The following CES5A variants were observed in gnomAD, a reference collection of about 807,000 sequenced individuals.
CES5A encodes the protein carboxylesterase 5A, also known as carboxylesterase 5.
Under a neutral mutation model 62.9 loss-of-function variants are expected in CES5A, and 67 were observed. The observed-to-expected ratio is 1.07, with a 90% CI of 0.88 to 1.31. CES5A has a LOEUF of 1.31. CES5A is among the 50% of genes most tolerant of loss of function. The pLI is 0.00. For synonymous variants in CES5A, 296 were observed against 280.8 expected, an observed-to-expected ratio of 1.05 and a Z score of -0.54; for missense variants, 748 against 708.5, an observed-to-expected ratio of 1.06 and a Z score of -0.63.
Position 55,875,225 on chromosome 16 carries a change from G to A in CES5A, c.-4C>T. On this transcript the variant is annotated 5_prime_UTR_variant, in exon 1 of 13. Transcript: ENST00000290567. ...GGTGCACCCAATTCCCACTCATTTG[G>A]CTGCCTGCCTGCACTCTGTGAACAT... The A allele has an allele frequency of 6.2e-7, 1 of 1,613,480 alleles. No individual in the cohort carries two copies. Among genetic ancestry groups the A allele is most frequent in the Non-Finnish European group, 8.5e-7 (1 of 1,179,720 alleles).
chr16:55,927,265 G>A (rs1237346401), upstream of CES5A, among the ~76,000 whole-genome samples: 1 of 152,044 alleles, frequency 6.6e-6, no homozygotes, highest in Non-Finnish European at 1.5e-5. Context: ...ATAATAAATG[G>A]AGCTTAATTA....
chr16:55,887,174 T>C (rs2033825239), intron 1 of CES5A, among the ~76,000 whole-genome samples: 1 of 152,028 alleles, frequency 6.6e-6, no homozygotes, highest in Non-Finnish European at 1.5e-5. Flanking sequence ...TATTGACCCC[T>C]GTCACCATCA....
chr16:55,944,267 G>A (rs2034472194), intron 2 of CES5A: 1 of 607,512 alleles, frequency 1.6e-6, no homozygotes. Context: ...CCATAAAATG[G>A]AGTTAATGGC....
chr16:55,939,533 C>T (rs1441106741), intron 2 of CES5A, among the ~76,000 whole-genome samples: 1 of 152,154 alleles, frequency 6.6e-6, no homozygotes, highest in South Asian at 2.1e-4. Flanking sequence ...GATGACATGG[C>T]CCCCTGACAC....
chr16:55,895,098 GA>G (rs1432685262), intron 1 of CES5A, among the ~76,000 whole-genome samples: 1 of 152,176 alleles, frequency 6.6e-6, no homozygotes, highest in Non-Finnish European at 1.5e-5. Context: ...TGCCCAAACA[GA>G]AAGTTAAGGC....
Position 55,849,713 on chromosome 16 carries a change from G to A in CES5A, c.1334C>T (p.Thr445Met), listed in dbSNP as rs370834252. 81 of 1,613,988 alleles carry A rather than the reference G, an allele frequency of 5.0e-5. No homozygotes were observed. The South Asian group carries it at 5.9e-4, about 12-fold the overall frequency. Residue 445 changes from threonine to methionine, a missense_variant, in exon 11 of 13, where the codon ACG becomes ATG. Thr to Met is a moderately conservative substitution (Grantham distance 81). Transcript: ENST00000290567. ...GTCGGCTTTGACAAAAGCTGGCTTC[G>A]TGTCTTCAAAGCACTGAGGCCGGTG... ...FRHRPQCFEDTKPAFVKADHA... is the reference protein window; with the variant it reads ...FRHRPQCFEDMKPAFVKADHA...
At chr16:55,869,550 T>C (rs2033537889) in intron 4 of CES5A, 61 bp downstream of exon 4, 1 of 1,584,394 alleles carries the variant, frequency 6.3e-7, no homozygotes. Flanking sequence ...GGGCACTGTC[T>C]ATGGCTACTG....
At chr16:55,914,551 G>A (rs1337645362) in intron 1 of CES5A, among the ~76,000 whole-genome samples, 1 of 152,182 alleles carries the variant, frequency 6.6e-6, no homozygotes, top group African/African-American at 2.4e-5. Flanking sequence ...CAGTTCTCTG[G>A]GAGTACGTGT....
intron 1 of CES5A, among the ~76,000 whole-genome samples, chr16:55,886,869 C>T (rs187933494): frequency 1.3e-5 from 2 of 151,986 alleles, no homozygotes; most frequent in Admixed American, 1.3e-4. Flanking sequence ...CCCATGATTA[C>T]ATAGGATGTA....
At chr16:55,913,797 A>G (rs1424116536) in intron 1 of CES5A, among the ~76,000 whole-genome samples, 1 of 152,216 alleles carries the variant, frequency 6.6e-6, no homozygotes, top group African/African-American at 2.4e-5. Flanking sequence ...TCATGAATGC[A>G]TTTAGTCATT....
At chr16:55,948,332 T>C (rs995632095) in intron 2 of CES5A, among the ~76,000 whole-genome samples, 6 of 152,160 alleles carry the variant, frequency 3.9e-5, no homozygotes, top group Non-Finnish European at 7.3e-5. Context: ...ACATGTTTCA[T>C]GTGAAAAGGA....
At chr16:55,955,960 A>G in exon 1 of CES5A, 1 of 1,418,256 alleles carries the variant, frequency 7.1e-7, no homozygotes, top group South Asian at 1.2e-5. Flanking sequence ...GTCCTCTTGC[A>G]CATCATGTAC....
At chr16:55,950,918 C>G (rs150006807) in intron 1 of CES5A, among the ~76,000 whole-genome samples, 1 of 151,626 alleles carries the variant, frequency 6.6e-6, no homozygotes, top group East Asian at 1.9e-4. Flanking sequence ...CTGGCTAACA[C>G]GGTAAAACCC....
intron 2 of CES5A, chr16:55,944,347 T>C (rs878925737): frequency 4.0e-6 from 2 of 505,412 alleles, no homozygotes; most frequent in South Asian, 5.5e-5. Context: ...TTGAACAGAA[T>C]AAACTCTCTA....
chr16:55,880,929 T>A (rs2033755085), intron 1 of CES5A, among the ~76,000 whole-genome samples: 1 of 152,184 alleles, frequency 6.6e-6, no homozygotes, highest in African/African-American at 2.4e-5. Context: ...ACCCAGAGTC[T>A]AAGGTTCTCT....
At chr16:55,952,970 A>C (rs746700822) in intron 1 of CES5A, among the ~76,000 whole-genome samples, 6 of 152,194 alleles carry the variant, frequency 3.9e-5, no homozygotes, top group Admixed American at 6.5e-5. Context: ...GAAAGGAACA[A>C]GCCAATATTG....
intron 1 of CES5A, among the ~76,000 whole-genome samples, chr16:55,923,420 GAAATGGAT>G (rs1402627585): frequency 6.6e-6 from 1 of 151,784 alleles, no homozygotes; most frequent in East Asian, 1.9e-4. Flanking sequence ...AAACCTAGAA[GAAATGGAT>G]AAATGTCTGG....
At chr16:55,932,564 G>C (rs1159607565) in intron 2 of CES5A, among the ~76,000 whole-genome samples, 1 of 145,838 alleles carries the variant, frequency 6.9e-6, no homozygotes, top group Non-Finnish European at 1.5e-5. Context: ...AATAATGGGG[G>C]GGGGAGGGTG....
chr16:55,877,498 T>A (rs1476710828), upstream of CES5A, among the ~76,000 whole-genome samples: 1 of 151,756 alleles, frequency 6.6e-6, no homozygotes, highest in Non-Finnish European at 1.5e-5. Flanking sequence ...CATGCTATAA[T>A]ACCACCAAAG....
Sources: gnomAD v4.1 joint callset for allele counts (sites outside exome capture counted in the v4.1 genomes callset) on GRCh38, gnomAD v4.1.1 for gene constraint, MANE v1.5 for transcripts, NCBI Gene and HGNC (gene_info 2026-07-23, HGNC 2026-07-21) for gene names.